Variants in PCLO observed in about 807,000 individuals in gnomAD.
The protein encoded by PCLO is protein piccolo.
In PCLO, 82 loss-of-function variants were observed where a neutral mutation model predicts 427.5. The ratio of observed to expected loss-of-function variants is 0.19; its 90% CI spans 0.16 to 0.23. The LOEUF (loss-of-function observed/expected upper bound fraction) is 0.23. Among genes scored for constraint, PCLO ranks in the 10% least tolerant of loss-of-function variants. The probability of loss-of-function intolerance (pLI) is 1.00; values close to 1 mark genes in which losing one functional copy is unlikely to be tolerated. For synonymous variants in PCLO, 2,357 were observed against 2,155.4 expected (o/e 1.09, Z -2.59); for missense variants, 6,239 against 6,115.9 (o/e 1.02, Z -0.67).
chr7:83,078,692 C>T (rs1318161950), intron 3 of PCLO, among the ~76,000 whole-genome samples: 6 of 151,860 alleles, frequency 4.0e-5, no homozygotes, highest in Non-Finnish European at 1.5e-5. Flanking sequence ...CCGCTATGCC[C>T]GGCTAATTTT....
At chr7:82,846,158 A>G (rs529349433) in intron 12 of PCLO, among the ~76,000 whole-genome samples, 1 of 152,278 alleles carries the variant, frequency 6.6e-6, no homozygotes, top group East Asian at 1.9e-4. Flanking sequence ...AAAGGCAATG[A>G]AAGAGTTCAG....
At chr7:82,924,066 CTGAT>C (rs1238979904) in intron 6 of PCLO, among the ~76,000 whole-genome samples, 1 of 152,038 alleles carries the variant, frequency 6.6e-6, no homozygotes, top group African/African-American at 2.4e-5. Flanking sequence ...GCAGAAAATC[CTGAT>C]TGATTGTTAA....
chr7:83,054,137 G>A (rs1013583948), intron 3 of PCLO, among the ~76,000 whole-genome samples: 1 of 151,960 alleles, frequency 6.6e-6, no homozygotes, highest in Admixed American at 6.6e-5. Flanking sequence ...GATTCAGAAA[G>A]TATATAAAAT....
At chr7:82,876,334 A>G (rs944331367) in intron 10 of PCLO, among the ~76,000 whole-genome samples, 1 of 152,082 alleles carries the variant, frequency 6.6e-6, no homozygotes, top group African/African-American at 2.4e-5. Flanking sequence ...CATCAGGCAT[A>G]AAAATCAAGG....
At chr7:83,040,115 C>T (rs576147373) in intron 3 of PCLO, among the ~76,000 whole-genome samples, 8 of 151,978 alleles carry the variant, frequency 5.3e-5, no homozygotes, top group African/African-American at 1.9e-4. Context: ...GAATATAGGT[C>T]ATGTTTTCTT....
At chr7:82,779,985 A>G (rs1274479343) in intron 22 of PCLO, among the ~76,000 whole-genome samples, 1 of 152,144 alleles carries the variant, frequency 6.6e-6, no homozygotes, top group Non-Finnish European at 1.5e-5. Context: ...TTAAGCTCTC[A>G]GTAGGTGTTA....
At chr7:82,914,272 C>G in intron 7 of PCLO, 1 of 389,432 alleles carries the variant, frequency 2.6e-6, no homozygotes, top group Admixed American at 4.1e-5. Context: ...TATTTCATGG[C>G]TCTAAACTTT....
Position 82,902,679 on chromosome 7 carries a change from T to C in PCLO, c.13500A>G (p.Thr4500=). 1 of 1,597,458 alleles carries C rather than the reference T, an allele frequency of 6.3e-7. No homozygotes were observed. Among genetic ancestry groups the C allele is most frequent in the South Asian group, 1.1e-5 (1 of 90,710 alleles). ...YIFPHARIKI[T]RDSKDHTVSG... ...AAACTGTGTGATCCTTTGAGTCTCT[T>C]GTTATTTTTATCCTTGCGTGAGGAA... The change falls in exon 9 of 25, where the codon ACA becomes ACG. Residue 4500 remains threonine, a synonymous_variant. Transcript: ENST00000333891.
rs1414809529 is a variant in PCLO, at chr7:82,915,614, C to A, written c.12372G>T (p.Leu4124=). The A allele has an allele frequency of 9.9e-6, 16 of 1,613,378 alleles. No individual in the cohort carries two copies. In the East Asian group the frequency reaches 3.3e-4, roughly 34 times the overall value. The change falls in exon 7 of 25, where the codon CTG becomes CTT. Residue 4124 remains leucine, a synonymous_variant. Coordinates refer to ENST00000333891, the MANE Select transcript of PCLO (RefSeq NM_033026.6). ...PMEDPYELKL[L]KHQIKQEFRR... Reference sequence around the variant, plus strand: ...GAAATTCCTGTTTAATCTGATGTTTCAGAAGCTTTAACTCGTAAGGATCCT... The same window carrying A: ...GAAATTCCTGTTTAATCTGATGTTTAAGAAGCTTTAACTCGTAAGGATCCT...
chr7:83,045,706 C>A (rs1789087696), intron 3 of PCLO, among the ~76,000 whole-genome samples: 1 of 151,914 alleles, frequency 6.6e-6, no homozygotes, highest in Non-Finnish European at 1.5e-5. Flanking sequence ...AATGAATTTC[C>A]TAGAAATATA....
At chr7:82,811,218 T>C (rs1298946241) in intron 20 of PCLO, among the ~76,000 whole-genome samples, 1 of 151,368 alleles carries the variant, frequency 6.6e-6, no homozygotes, top group Non-Finnish European at 1.5e-5. Context: ...TACTTAATGA[T>C]GGAACGGAAA....
chr7:83,026,858 G>A (rs1788512876), intron 3 of PCLO, among the ~76,000 whole-genome samples: 1 of 146,566 alleles, frequency 6.8e-6, no homozygotes. Context: ...AATGACTACT[G>A]GGTACATAAC....
intron 3 of PCLO, among the ~76,000 whole-genome samples, chr7:82,990,241 C>G (rs898972601): frequency 6.6e-6 from 1 of 152,214 alleles, no homozygotes; most frequent in Middle Eastern, 3.4e-3. Flanking sequence ...AGAATGACAT[C>G]AAAGCAACAG....
At chr7:82,997,906 T>G (rs1787669258) in intron 3 of PCLO, among the ~76,000 whole-genome samples, 1 of 152,054 alleles carries the variant, frequency 6.6e-6, no homozygotes, top group Admixed American at 6.6e-5. Context: ...TGGCTTCTGG[T>G]TTTTTGTTCA....
intron 22 of PCLO, among the ~76,000 whole-genome samples, chr7:82,786,267 T>C (rs984118764): frequency 6.6e-5 from 10 of 152,070 alleles, no homozygotes; most frequent in African/African-American, 2.2e-4. Context: ...ACCTGAGATA[T>C]AAAATACAGG....
At chr7:82,964,618 A>C (rs2115647071) in intron 4 of PCLO, among the ~76,000 whole-genome samples, 1 of 152,252 alleles carries the variant, frequency 6.6e-6, no homozygotes. Context: ...AGAGAAGGAA[A>C]GTAGAGGGCC....
chr7:82,783,878 A>T (rs1324029463), intron 22 of PCLO, among the ~76,000 whole-genome samples: 1 of 151,432 alleles, frequency 6.6e-6, no homozygotes, highest in African/African-American at 2.4e-5. Flanking sequence ...TAACTTGATT[A>T]TTATAATTAC....
At chr7:83,023,849 T>C (rs1788408098) in intron 3 of PCLO, among the ~76,000 whole-genome samples, 1 of 152,234 alleles carries the variant, frequency 6.6e-6, no homozygotes, top group Admixed American at 6.5e-5. Context: ...AGAGAAGTGA[T>C]GTATGGCAAA....
intron 3 of PCLO, among the ~76,000 whole-genome samples, chr7:83,119,092 C>T (rs1385555460): frequency 6.6e-6 from 1 of 152,154 alleles, no homozygotes; most frequent in Non-Finnish European, 1.5e-5. Flanking sequence ...CATTTCTGGA[C>T]CCATTCTGGG....
Sources: allele counts gnomAD v4.1 joint callset (sites outside exome capture counted in the v4.1 genomes callset), GRCh38; gene constraint gnomAD v4.1.1; transcripts MANE v1.5; gene names NCBI Gene and HGNC (gene_info 2026-07-23, HGNC 2026-07-21).